Variants in TRIP13 observed in about 807,000 individuals in gnomAD.
TRIP13 encodes thyroid hormone receptor interactor 13, also known as pachytene checkpoint protein 2 homolog.
In TRIP13, 25 loss-of-function variants were observed where a neutral mutation model predicts 54.4. That is an observed-to-expected ratio of 0.46 (90% confidence interval 0.33 to 0.64). TRIP13 has a LOEUF of 0.64. Ranked by LOEUF, TRIP13 falls within the 30% of genes least tolerant of loss-of-function variation. The probability of loss-of-function intolerance (pLI) is 0.02; values close to 1 mark genes in which losing one functional copy is unlikely to be tolerated. For synonymous variants in TRIP13, 207 were observed against 207.8 expected (o/e 1.00, Z 0.03); for missense variants, 373 against 534.2 (o/e 0.70, Z 2.97).
chr5:897,204 G>C (rs1209047719), intron 3 of TRIP13, among the ~76,000 whole-genome samples: 5 of 148,058 alleles, frequency 3.4e-5, no homozygotes, highest in African/African-American at 5.0e-5. Context: ...GCCAAGCCCA[G>C]GGCTTCATTC....
chr5:902,072 T>C (rs1754004336), intron 5 of TRIP13, among the ~76,000 whole-genome samples: 1 of 152,234 alleles, frequency 6.6e-6, no homozygotes, highest in Admixed American at 6.5e-5. Flanking sequence ...GCTTAACTTA[T>C]AAATTAGGCT....
chr5:900,354 T>C (rs1753956857), intron 3 of TRIP13, 140 bp from the exon 4 acceptor site: 2 of 801,236 alleles, frequency 2.5e-6, no homozygotes, highest in Non-Finnish European at 3.9e-6. Flanking sequence ...GCAGAATTTA[T>C]ACTTTCCTGT....
intron 2 of TRIP13, 120 bp downstream of exon 2, chr5:895,072 G>C: frequency 1.7e-6 from 2 of 1,171,222 alleles, no homozygotes; most frequent in Non-Finnish European, 2.4e-6. Context: ...TGTTGGTTTG[G>C]GTGGCTAGAC....
chr5:908,505 G>A lies in TRIP13; in HGVS notation c.866+44G>A. 1 of 1,608,956 alleles carries A rather than the reference G, an allele frequency of 6.2e-7. No individual in the cohort carries two copies. Among genetic ancestry groups the A allele is most frequent in the Non-Finnish European group, 8.5e-7 (1 of 1,178,292 alleles). ...AATTTTCCCTGAGAAGTGATGAGAA[G>A]TTTGTCCCAAAGAAATGCGTGATAC... On this transcript the variant is annotated intron_variant, in intron 9 of 12. Coordinates refer to ENST00000166345, the MANE Select transcript of TRIP13 (RefSeq NM_004237.4). This position sits in a 1 kb window ranked among gnomAD's most constrained non-coding sequence, Gnocchi z 5.2.
chr5:896,807 A>G lies in TRIP13; in HGVS notation c.388+13A>G, dbSNP rs762603016. 6.2e-7 allele frequency: 1 copy of G among 1,611,524 alleles called. No individual in the cohort carries two copies. The highest frequency in any genetic ancestry group is 8.5e-7 in the Non-Finnish European group (1 of 1,178,594). The stretch of plus-strand genomic sequence containing the variant: ...GTTCTACCTGCAGGTATGGGGTGTG[A>G]TGGGAGTTGAAGGGGAGGCTGAGGT... On this transcript the variant is annotated intron_variant, in intron 3 of 12. Transcript: ENST00000166345.
At chr5:896,821 GGA>G in intron 3 of TRIP13, 27 bp downstream of exon 3, 1 of 1,608,714 alleles carries the variant, frequency 6.2e-7, no homozygotes, top group Non-Finnish European at 8.5e-7. Flanking sequence ...GAGTTGAAGG[GGA>G]GGCTGAGGTC....
chr5:908,292 C>T lies in TRIP13; in HGVS notation c.760-63C>T. 6.4e-7 allele frequency: 1 copy of T among 1,563,380 alleles called. No homozygotes were observed. The highest frequency in any genetic ancestry group is 8.8e-7 in the Non-Finnish European group (1 of 1,142,702). ...TTTCACGTGCTCAGCGGGACGTATCCCCATAGCTGCCTGTGAAGTGCCAGG... is the reference window on the plus strand; with the variant it reads ...TTTCACGTGCTCAGCGGGACGTATCTCCATAGCTGCCTGTGAAGTGCCAGG... On this transcript the variant is annotated intron_variant, in intron 8 of 12. Transcript: ENST00000166345. This position sits in a 1 kb window ranked among gnomAD's most constrained non-coding sequence, Gnocchi z 5.2.
chr5:910,326 G>T (rs139482991), intron 9 of TRIP13, among the ~76,000 whole-genome samples: 1 of 152,122 alleles, frequency 6.6e-6, no homozygotes, highest in Non-Finnish European at 1.5e-5. Context: ...GCGTCTCTCC[G>T]CAGGGAGGGG....
At position 893,041 on chromosome 5, in the gene TRIP13, G is replaced by A; in HGVS notation, c.43G>A (p.Val15Met). Residue 15 changes from valine (V) to methionine (M), a missense_variant, in exon 1 of 13, where the codon GTG becomes ATG. Coordinates refer to ENST00000166345, the MANE Select transcript of TRIP13 (RefSeq NM_004237.4). ...CGACCTGAAGCAGGCGCTTCCCTGTGTGGCCGAGTCGCCAACGGTCCACGT... is the reference window on the plus strand; with the variant it reads ...CGACCTGAAGCAGGCGCTTCCCTGTATGGCCGAGTCGCCAACGGTCCACGT... ...VGDLKQALPCVAESPTVHVEV... is the reference protein window; with the variant it reads ...VGDLKQALPCMAESPTVHVEV... 6.3e-7 allele frequency: 1 copy of A among 1,597,578 alleles called. No individual in the cohort carries two copies. Among genetic ancestry groups the A allele is most frequent in the Non-Finnish European group, 8.5e-7 (1 of 1,175,916 alleles).
At position 915,357 on chromosome 5, in the gene TRIP13, C is replaced by A. The variant is rs1216562428; in HGVS notation, c.1134-547C>A. On this transcript the variant is annotated intron_variant, in intron 11 of 12. Transcript: ENST00000166345. This position sits in a 1 kb window ranked among gnomAD's most constrained non-coding sequence, Gnocchi z 4.2. ...GGTGCTCCCAGGCAGGTGATGCCTTCCCTGAGCGCAAGGATGCTGGCCCTG... is the reference window on the plus strand; with the variant it reads ...GGTGCTCCCAGGCAGGTGATGCCTTACCTGAGCGCAAGGATGCTGGCCCTG... 1.3e-5 allele frequency among the ~76,000 whole-genome samples: 2 copies of A among 152,172 alleles called. No homozygotes were observed. Among genetic ancestry groups the A allele is most frequent in the Non-Finnish European group, 2.9e-5 (2 of 68,042 alleles).
At chr5:916,251 G>A (rs1171999761) in intron 12 of TRIP13, among the ~76,000 whole-genome samples, 1 of 152,186 alleles carries the variant, frequency 6.6e-6, no homozygotes, top group Admixed American at 6.5e-5. Flanking sequence ...CGTGGCCAGG[G>A]CCCTCGCTGG....
At chr5:895,879 T>G (rs1753901899) in intron 2 of TRIP13, among the ~76,000 whole-genome samples, 1 of 152,262 alleles carries the variant, frequency 6.6e-6, no homozygotes, top group Non-Finnish European at 1.5e-5. Context: ...ATATTTTAAC[T>G]GTCCACCAGA....
In TRIP13 at chr5:911,549, C is replaced by T. The variant is rs1013625766; in HGVS notation, c.867-294C>T. The stretch of plus-strand genomic sequence containing the variant: ...TAGCACCACTGCACTCCAGCCTGGG[C>T]GAAAGAGCGAGACTCTGTCTCAAAA... On this transcript the variant is annotated intron_variant, in intron 9 of 12. Transcript: ENST00000166345. This position sits in a 1 kb window ranked among gnomAD's most constrained non-coding sequence, Gnocchi z 4.7. Among the ~76,000 whole-genome samples the T allele has an allele frequency of 2.7e-5, 4 of 145,780 alleles. No individual in the cohort carries two copies. Among genetic ancestry groups the T allele is most frequent in the African/African-American group, 5.1e-5 (2 of 39,200 alleles).
At chr5:903,533 G>T (rs1338264087) in intron 5 of TRIP13, among the ~76,000 whole-genome samples, 1 of 151,934 alleles carries the variant, frequency 6.6e-6, no homozygotes, top group Non-Finnish European at 1.5e-5. Context: ...GGAACAGCTC[G>T]TGCCCTCGGT....
intron 2 of TRIP13, among the ~76,000 whole-genome samples, chr5:896,247 A>C (rs956409993): frequency 6.6e-6 from 1 of 152,192 alleles, no homozygotes; most frequent in Admixed American, 6.5e-5. Flanking sequence ...CCAGGAATTT[A>C]ATGTTGCTGT....
At chr5:894,699 G>A in intron 1 of TRIP13, 88 bp from the exon 2 acceptor site, 1 of 1,443,184 alleles carries the variant, frequency 6.9e-7, no homozygotes, top group Non-Finnish European at 9.2e-7. Context: ...GCTTTCTTAT[G>A]TATTGTCTGA....
chr5:906,624 A>G (rs1055412188), intron 6 of TRIP13, among the ~76,000 whole-genome samples: 10 of 152,178 alleles, frequency 6.6e-5, no homozygotes, highest in Admixed American at 5.2e-4. Context: ...TCAGCAGCTA[A>G]GCACGCCCAG....
intron 5 of TRIP13, among the ~76,000 whole-genome samples, chr5:902,781 A>G (rs1318169102): frequency 1.3e-5 from 2 of 152,206 alleles, no homozygotes; most frequent in African/African-American, 4.8e-5. Flanking sequence ...ACAAAGGGGC[A>G]GGGTAAGGAG....
intron 6 of TRIP13, among the ~76,000 whole-genome samples, chr5:906,455 G>A (rs1323815363): frequency 6.6e-6 from 1 of 152,174 alleles, no homozygotes; most frequent in Non-Finnish European, 1.5e-5. Flanking sequence ...TTAATAAACA[G>A]TATCAGTAAA....
Sources: allele counts gnomAD v4.1 joint callset (sites outside exome capture counted in the v4.1 genomes callset), GRCh38; gene constraint gnomAD v4.1.1; non-coding constraint Gnocchi (gnomAD v3.1); transcripts MANE v1.5; gene names NCBI Gene and HGNC (gene_info 2026-07-23, HGNC 2026-07-21).